The following CSE1L variants were observed in gnomAD, a reference collection of about 807,000 sequenced individuals.
CSE1L encodes chromosome segregation 1 like.
A neutral mutation model predicts 120.4 loss-of-function variants in CSE1L; 24 were observed. The ratio of observed to expected loss-of-function variants is 0.20; its 90% CI spans 0.14 to 0.28. CSE1L has a LOEUF of 0.28. Among genes scored for constraint, CSE1L ranks in the 10% least tolerant of loss-of-function variants. The pLI, the probability that CSE1L is intolerant of heterozygous loss-of-function variation, is 1.00. For synonymous variants in CSE1L, 402 were observed against 398.3 expected, an observed-to-expected ratio of 1.01 and a Z score of -0.11; for missense variants, 830 against 1,145.2, an observed-to-expected ratio of 0.72 and a Z score of 3.97.
In CSE1L at chr20:49,065,328, T is replaced by A. The variant is rs564737773; in HGVS notation, c.229-864T>A. 4.9e-3 allele frequency among the ~76,000 whole-genome samples: 580 copies of A among 118,504 alleles called. 6 individuals carry two copies. Among genetic ancestry groups the A allele is most frequent in the African/African-American group, 0.017 (546 of 32,462 alleles). The allele number at this position is 118,504 out of a possible 152,430, so 77.7% of individuals were successfully genotyped here. On this transcript the variant is annotated intron_variant, in intron 3 of 24. Coordinates refer to ENST00000262982, the MANE Select transcript of CSE1L (RefSeq NM_001316.4). ...TGAAAAAAAAATTTTTTTTTTTTTT[T>A]TTTTTTTTTTTTGAGAGGGAGTCTT... is the stretch of plus-strand genomic sequence containing the variant.
chr20:49,079,072 C>T lies in CSE1L; in HGVS notation c.1482+450C>T, dbSNP rs2091990438. Among the ~76,000 whole-genome samples the T allele has an allele frequency of 4.0e-5, 6 of 151,674 alleles. No individual in the cohort carries two copies. In the South Asian group the frequency reaches 1.2e-3, roughly 32 times the overall value. ...ACACCTAGCTAATTTTTTGTATTTT[C>T]AGTAGATCCGGGGTTTCCCCATGTT... On this transcript the variant is annotated intron_variant, in intron 14 of 24. Transcript: ENST00000262982.
At chr20:49,060,413 C>T (rs143752658) in intron 2 of CSE1L, among the ~76,000 whole-genome samples, 111 of 150,590 alleles carry the variant, frequency 7.4e-4, no homozygotes, top group African/African-American at 2.5e-3. Context: ...ATCCAGGAAG[C>T]GGAGGTTGCA....
intron 11 of CSE1L, 132 bp downstream of exon 11, chr20:49,074,982 G>A (rs2091959381): frequency 1.6e-6 from 1 of 642,956 alleles, no homozygotes; most frequent in Non-Finnish European, 2.7e-6. Context: ...GAGAACTGTT[G>A]TCTTTCTTCA....
intron 22 of CSE1L, among the ~76,000 whole-genome samples, chr20:49,093,560 CTCTCT>C (rs1355658708): frequency 2.1e-4 from 28 of 132,408 alleles, no homozygotes; most frequent in Non-Finnish European, 3.6e-4. Flanking sequence ...CCTTGCTCCT[CTCTCT>C]TTTTTTTTTT....
At chr20:49,095,023 A>T (rs2092128984) in intron 24 of CSE1L, 60 bp downstream of exon 24, 5 of 1,280,044 alleles carry the variant, frequency 3.9e-6, no homozygotes, top group Non-Finnish European at 4.5e-6. Flanking sequence ...GGGCAAAAGG[A>T]TAGTAGTAGT....
rs147634102 is a variant in CSE1L, at chr20:49,085,592, G to A, written c.1723+206G>A. 9.1e-4 allele frequency among the ~76,000 whole-genome samples: 15 copies of A among 16,402 alleles called. 1 individual carries two copies. The highest frequency in any genetic ancestry group is 2.8e-3 in the African/African-American group (14 of 4,950). 10.8% of individuals were successfully genotyped at this position (16,402 alleles called of 152,430 possible). A position where few individuals can be genotyped will look rare whatever the true frequency, so the allele number is the denominator to read the frequency against. ...TTTTTTTTTTTTTTTTTTTTTTTGAGATGGAGCCTTGCTCTGTTGCCCAGG... is the reference window on the plus strand; with the variant it reads ...TTTTTTTTTTTTTTTTTTTTTTTGAAATGGAGCCTTGCTCTGTTGCCCAGG... On this transcript the variant is annotated intron_variant, in intron 16 of 24. Coordinates refer to ENST00000262982, the MANE Select transcript of CSE1L (RefSeq NM_001316.4).
intron 12 of CSE1L, among the ~76,000 whole-genome samples, chr20:49,075,980 C>T (rs965134533): frequency 2.6e-5 from 4 of 151,906 alleles, no homozygotes; most frequent in South Asian, 2.1e-4. Flanking sequence ...TACAAGTGTG[C>T]ACTACCACAC....
At chr20:49,092,768 TAACA>T (rs1471376842) in intron 22 of CSE1L, among the ~76,000 whole-genome samples, 3 of 152,102 alleles carry the variant, frequency 2.0e-5, no homozygotes, top group Non-Finnish European at 4.4e-5. Context: ...TATACATATG[TAACA>T]AACCTGCACG....
At chr20:49,092,936 A>G (rs1225931574) in intron 22 of CSE1L, among the ~76,000 whole-genome samples, 1 of 152,194 alleles carries the variant, frequency 6.6e-6, no homozygotes, top group African/African-American at 2.4e-5. Context: ...CAAATGAGAA[A>G]TACTTAGGAC....
At chr20:49,048,642 A>C (rs147024106) in intron 1 of CSE1L, among the ~76,000 whole-genome samples, 390 of 152,294 alleles carry the variant, frequency 2.6e-3, no homozygotes, top group Non-Finnish European at 4.1e-3. Flanking sequence ...ATATTGAAAT[A>C]TTTAAGGAAT....
intron 14 of CSE1L, among the ~76,000 whole-genome samples, chr20:49,080,270 GTT>G (rs796381414): frequency 4.6e-5 from 6 of 130,256 alleles, no homozygotes; most frequent in South Asian, 2.6e-4. Flanking sequence ...TATTTTTTTT[GTT>G]TTTTTTTTTT....
intron 16 of CSE1L, among the ~76,000 whole-genome samples, chr20:49,085,675 G>A (rs571523442): frequency 5.0e-5 from 7 of 141,302 alleles, no homozygotes; most frequent in Admixed American, 2.3e-4. Context: ...GGGTTCAAGC[G>A]ATTCTCCTGC....
intron 6 of CSE1L, among the ~76,000 whole-genome samples, chr20:49,068,061 C>A (rs886271298): frequency 6.7e-6 from 1 of 149,788 alleles, no homozygotes; most frequent in Non-Finnish European, 1.5e-5. Context: ...GCCAGTAAAA[C>A]CTGTTAATCG....
chr20:49,083,241 G>A (rs1373425601), intron 14 of CSE1L, among the ~76,000 whole-genome samples: 3 of 151,898 alleles, frequency 2.0e-5, no homozygotes, highest in Non-Finnish European at 4.4e-5. Context: ...GGATGGTCTT[G>A]ATCTCATGAC....
intron 1 of CSE1L, among the ~76,000 whole-genome samples, chr20:49,056,394 G>A (rs1011141230): frequency 1.3e-5 from 2 of 152,094 alleles, no homozygotes; most frequent in Non-Finnish European, 2.9e-5. Flanking sequence ...GTGAGCAACC[G>A]CGCCCAGCCT....
At chr20:49,078,517 T>A in intron 13 of CSE1L, 44 bp from the exon 14 acceptor site, 1 of 1,345,658 alleles carries the variant, frequency 7.4e-7, no homozygotes, top group Non-Finnish European at 1.0e-6. Context: ...GAAGTAATGA[T>A]CCTTACCACT....
Position 49,094,715 on chromosome 20 carries a change from GCTTTCTT to G in CSE1L, c.2595-15_2595-9del. The G allele has an allele frequency of 6.4e-7, 1 of 1,557,306 alleles. No individual in the cohort carries two copies. The highest frequency in any genetic ancestry group is 8.9e-7 in the Non-Finnish European group (1 of 1,129,476). On this transcript the variant is annotated splice_polypyrimidine_tract_variant and intron_variant, in intron 23 of 24. Coordinates refer to ENST00000262982, the MANE Select transcript of CSE1L (RefSeq NM_001316.4). ...TATTTTCTTGACCTTTTTATCTCTT[GCTTTCTT>G]CCAATCCAGGACTCCATTATTACAG...
intron 21 of CSE1L, among the ~76,000 whole-genome samples, chr20:49,091,668 G>A (rs927750681): frequency 6.6e-6 from 1 of 152,144 alleles, no homozygotes; most frequent in African/African-American, 2.4e-5. Context: ...GGCTGCGTGA[G>A]CTGTGATCAC....
In CSE1L at chr20:49,094,221, G is replaced by A. The variant is rs149713430; in HGVS notation, c.2529G>A (p.Ala843=). 213 of 1,611,480 alleles carry A rather than the reference G, an allele frequency of 1.3e-4. No homozygotes were observed. The highest frequency in any genetic ancestry group is 6.0e-4 in the African/African-American group (45 of 74,840). Residue 843 remains alanine (A), a synonymous_variant, in exon 23 of 25, where the codon GCG becomes GCA. Coordinates refer to ENST00000262982, the MANE Select transcript of CSE1L (RefSeq NM_001316.4). ...VSGNVEKKIC[A]VGITKLLTEC... is the part of the protein sequence containing the mutation. ...GAAATGTAGAGAAAAAGATCTGTGC[G>A]GTTGGCATAACCAAATTACTAACAG...
Sources: gnomAD v4.1 joint callset for allele counts (sites outside exome capture counted in the v4.1 genomes callset) on GRCh38, gnomAD v4.1.1 for gene constraint, MANE v1.5 for transcripts, NCBI Gene and HGNC (gene_info 2026-07-23, HGNC 2026-07-21) for gene names.